NME7: variants seen among roughly 807,000 people sequenced by gnomAD.
The protein encoded by NME7 is NME/NM23 family member 7, also known as nucleoside diphosphate kinase 7.
In NME7, 41 loss-of-function variants were observed where a neutral mutation model predicts 49.1. The ratio of observed to expected loss-of-function variants is 0.83; its 90% CI spans 0.65 to 1.08. The LOEUF (loss-of-function observed/expected upper bound fraction) is 1.08, where lower values mean the gene tolerates loss of function less well. Ranked by LOEUF, NME7 falls within the 50% of genes least tolerant of loss-of-function variation. NME7 has a pLI of 0.00. For synonymous variants in NME7, 139 were observed against 150.6 expected, an observed-to-expected ratio of 0.92 and a Z score of 0.56; for missense variants, 423 against 463.4, an observed-to-expected ratio of 0.91 and a Z score of 0.80.
chr1:169,142,806 A>G (rs1426347701), intron 11 of NME7, among the ~76,000 whole-genome samples: 1 of 152,162 alleles, frequency 6.6e-6, no homozygotes, highest in African/African-American at 2.4e-5. Context: ...CTCATGGTGC[A>G]CCTAGAAAAT....
intron 11 of NME7, among the ~76,000 whole-genome samples, chr1:169,159,176 C>T (rs1457196658): frequency 6.6e-6 from 1 of 152,122 alleles, no homozygotes; most frequent in Non-Finnish European, 1.5e-5. Flanking sequence ...GCTCAGCTGG[C>T]ATTCTTCGCC....
intron 1 of NME7, among the ~76,000 whole-genome samples, chr1:169,357,451 T>TAAG (rs1015835315): frequency 6.6e-6 from 1 of 152,054 alleles, no homozygotes; most frequent in African/African-American, 2.4e-5. Flanking sequence ...ACCTAGGTGT[T>TAAG]AAGGGTATTG....
At chr1:169,330,458 T>C (rs917721324) in intron 1 of NME7, among the ~76,000 whole-genome samples, 1 of 151,928 alleles carries the variant, frequency 6.6e-6, no homozygotes, top group Admixed American at 6.6e-5. Context: ...GGCAAAAGGA[T>C]CACGAGGTCA....
At chr1:169,317,806 C>G (rs1393417198) in intron 3 of NME7, among the ~76,000 whole-genome samples, 1 of 152,164 alleles carries the variant, frequency 6.6e-6, no homozygotes, top group African/African-American at 2.4e-5. Context: ...TCTTGCTCCT[C>G]ATGAGTAAAG....
At chr1:169,158,444 C>A (rs1347443158) in intron 11 of NME7, among the ~76,000 whole-genome samples, 1 of 151,922 alleles carries the variant, frequency 6.6e-6, no homozygotes, top group African/African-American at 2.4e-5. Flanking sequence ...TTGTTTATTT[C>A]TGGAATTTTC....
At chr1:169,153,892 G>C (rs75880042) in intron 11 of NME7, among the ~76,000 whole-genome samples, 2,568 of 150,148 alleles carry the variant, frequency 0.017, 67 homozygotes, top group African/African-American at 0.057. Flanking sequence ...ATTTTTTGTA[G>C]AGACATCTCC....
At chr1:169,342,468 T>C (rs906127193) in intron 1 of NME7, among the ~76,000 whole-genome samples, 5 of 144,370 alleles carry the variant, frequency 3.5e-5, no homozygotes, top group South Asian at 4.3e-4. Context: ...TACAAGTACA[T>C]ATATATACTT....
chr1:169,207,594 T>C (rs147900148), intron 10 of NME7, among the ~76,000 whole-genome samples: 2 of 152,278 alleles, frequency 1.3e-5, no homozygotes, highest in Non-Finnish European at 2.9e-5. Context: ...ATGATTTTTT[T>C]CCAAATTCCT....
At chr1:169,227,596 A>G (rs1199532639) in intron 10 of NME7, among the ~76,000 whole-genome samples, 1 of 152,210 alleles carries the variant, frequency 6.6e-6, no homozygotes, top group African/African-American at 2.4e-5. Flanking sequence ...GTGTCATAAC[A>G]TGATGCATGA....
At chr1:169,208,518 C>A (rs1159017178) in intron 10 of NME7, among the ~76,000 whole-genome samples, 3 of 152,064 alleles carry the variant, frequency 2.0e-5, no homozygotes, top group African/African-American at 7.2e-5. Context: ...GAAAAAATGG[C>A]TGTTAACAGC....
At chr1:169,325,260 T>C (rs1652018765) in intron 1 of NME7, among the ~76,000 whole-genome samples, 1 of 152,238 alleles carries the variant, frequency 6.6e-6, no homozygotes, top group South Asian at 2.1e-4. Flanking sequence ...CATCAGGAAG[T>C]GCTAGAGCCA....
At chr1:169,323,308 C>A (rs1197323424) in intron 2 of NME7, 25 bp from the exon 3 acceptor site, 1 of 1,454,000 alleles carries the variant, frequency 6.9e-7, no homozygotes, top group Admixed American at 2.6e-5. Flanking sequence ...AACAATATAA[C>A]AAACAAACAA....
chr1:169,276,633 A>C (rs1190593354), intron 7 of NME7, among the ~76,000 whole-genome samples: 1 of 132,608 alleles, frequency 7.5e-6, no homozygotes, highest in African/African-American at 2.5e-5. Flanking sequence ...CCTTTCAAAA[A>C]ACCAGCTCCT....
intron 10 of NME7, among the ~76,000 whole-genome samples, chr1:169,205,325 T>C (rs931764390): frequency 2.0e-4 from 31 of 152,092 alleles, no homozygotes; most frequent in African/African-American, 7.2e-4. Flanking sequence ...AGGCAACATC[T>C]GGTGCTTCCT....
At chr1:169,189,314 C>T (rs1571276889) in intron 10 of NME7, among the ~76,000 whole-genome samples, 1 of 128,288 alleles carries the variant, frequency 7.8e-6, no homozygotes, top group African/African-American at 2.5e-5. Context: ...ACTCTTAAAA[C>T]AATGAATGTT....
chr1:169,256,844 T>C (rs1388828005), intron 7 of NME7, among the ~76,000 whole-genome samples: 3 of 131,698 alleles, frequency 2.3e-5, no homozygotes, highest in Non-Finnish European at 3.6e-5. Flanking sequence ...CAGTGTGCTC[T>C]TGCTGGGGGG....
intron 7 of NME7, among the ~76,000 whole-genome samples, chr1:169,244,554 T>A (rs1214591786): frequency 2.1e-5 from 3 of 145,202 alleles, no homozygotes; most frequent in African/African-American, 7.7e-5. Flanking sequence ...GAGGATGGCG[T>A]GAACCTGGGA....
intron 10 of NME7, among the ~76,000 whole-genome samples, chr1:169,220,039 A>C (rs989857233): frequency 6.6e-6 from 1 of 152,154 alleles, no homozygotes; most frequent in African/African-American, 2.4e-5. Flanking sequence ...TTCACAAATC[A>C]TGAGTTTGAA....
intron 10 of NME7, among the ~76,000 whole-genome samples, chr1:169,186,251 T>C (rs2101755471): frequency 6.6e-6 from 1 of 152,268 alleles, no homozygotes; most frequent in East Asian, 1.9e-4. Flanking sequence ...AATTGAAACC[T>C]GAGACTCACA....
Sources: allele counts gnomAD v4.1 joint callset (sites outside exome capture counted in the v4.1 genomes callset), GRCh38; gene constraint gnomAD v4.1.1; transcripts MANE v1.5; gene names NCBI Gene and HGNC (gene_info 2026-07-23, HGNC 2026-07-21).